Variants in UBE2E2 observed in about 807,000 individuals in gnomAD.
UBE2E2 encodes the protein ubiquitin-conjugating enzyme E2 E2.
In UBE2E2, 6 loss-of-function variants were observed where a neutral mutation model predicts 24.7. That is an observed-to-expected ratio of 0.24 (90% CI 0.13 to 0.48). The LOEUF is 0.48. Ranked by LOEUF, UBE2E2 falls within the 20% of genes least tolerant of loss-of-function variation. The pLI is 0.99. For synonymous variants in UBE2E2, 104 were observed against 83.6 expected (o/e 1.24, Z -1.33); for missense variants, 169 against 245.0 (o/e 0.69, Z 2.07).
chr3:23,570,235 C>T (rs1696190504), intron 5 of UBE2E2, among the ~76,000 whole-genome samples: 1 of 152,144 alleles, frequency 6.6e-6, no homozygotes, highest in Non-Finnish European at 1.5e-5. Context: ...CCTAATTTCA[C>T]ATGGTTGTCA....
intron 3 of UBE2E2, among the ~76,000 whole-genome samples, chr3:23,456,459 T>G (rs191962571): frequency 3.3e-5 from 5 of 152,318 alleles, no homozygotes; most frequent in African/African-American, 9.6e-5. Flanking sequence ...CAAAATGTAT[T>G]TCTTCAATAA....
In UBE2E2 at chr3:23,539,390, A is replaced by G. The variant is rs376351263; in HGVS notation, c.508+6689A>G. Among the ~76,000 whole-genome samples, 14 of 152,360 alleles carry G rather than the reference A, an allele frequency of 9.2e-5. No homozygotes were observed. The East Asian group carries it at 2.3e-3, about 25-fold the overall frequency. On this transcript the variant is annotated intron_variant, in intron 5 of 5. Coordinates refer to ENST00000396703, the MANE Select transcript of UBE2E2 (RefSeq NM_152653.4). ...GATTCTTTTAAAGATGGTTAAAACT[A>G]GACTTTACCATATTTGCTAACATAT...
intron 4 of UBE2E2, among the ~76,000 whole-genome samples, chr3:23,529,909 C>T (rs1195111831): frequency 6.6e-6 from 1 of 152,142 alleles, no homozygotes; most frequent in African/African-American, 2.4e-5. Flanking sequence ...GTCTTCCTTC[C>T]TAATGTATGT....
intron 3 of UBE2E2, among the ~76,000 whole-genome samples, chr3:23,411,687 C>T (rs2125381793): frequency 6.6e-6 from 1 of 152,238 alleles, no homozygotes; most frequent in East Asian, 1.9e-4. Context: ...TAGTTGTCTA[C>T]TGGATAGCAA....
intron 3 of UBE2E2, among the ~76,000 whole-genome samples, chr3:23,242,023 C>T (rs1391791620): frequency 1.3e-5 from 2 of 152,176 alleles, no homozygotes; most frequent in Non-Finnish European, 2.9e-5. Context: ...TATCCTGCTG[C>T]CTCAGCCTCT....
At chr3:23,443,051 A>C (rs564114789) in intron 3 of UBE2E2, among the ~76,000 whole-genome samples, 4 of 152,078 alleles carry the variant, frequency 2.6e-5, no homozygotes, top group African/African-American at 7.2e-5. Flanking sequence ...TTTTCTACTC[A>C]CCTCTCTGGC....
intron 3 of UBE2E2, among the ~76,000 whole-genome samples, chr3:23,446,733 A>G (rs532319675): frequency 2.3e-5 from 3 of 128,808 alleles, no homozygotes; most frequent in East Asian, 2.5e-4. Context: ...CCGTAGGGTC[A>G]TAAAAGGTAT....
chr3:23,252,591 G>A (rs989617305), intron 3 of UBE2E2, among the ~76,000 whole-genome samples: 5 of 152,124 alleles, frequency 3.3e-5, no homozygotes, highest in Admixed American at 6.5e-5. Flanking sequence ...CTGCCTCCTC[G>A]GTTCAAGCGA....
chr3:23,523,837 T>TTA (rs59629776), intron 4 of UBE2E2, among the ~76,000 whole-genome samples: 3 of 151,604 alleles, frequency 2.0e-5, no homozygotes, highest in African/African-American at 7.3e-5. Flanking sequence ...TTTTTTTTTT[T>TTA]ATGTATACTA....
chr3:23,357,160 G>C (rs985698956), intron 3 of UBE2E2, among the ~76,000 whole-genome samples: 1 of 152,190 alleles, frequency 6.6e-6, no homozygotes, highest in Non-Finnish European at 1.5e-5. Flanking sequence ...TACAACCCTT[G>C]CATGGGCCGG....
intron 3 of UBE2E2, among the ~76,000 whole-genome samples, chr3:23,446,878 G>T (rs1396605562): frequency 6.6e-6 from 1 of 152,024 alleles, no homozygotes; most frequent in Admixed American, 6.5e-5. Flanking sequence ...CTGACCAGAA[G>T]AGCGTGCTGG....
chr3:23,449,937 T>G, intron 3 of UBE2E2: 3 of 985,348 alleles, frequency 3.0e-6, no homozygotes, highest in Non-Finnish European at 2.4e-6. Context: ...TGAGGAAATG[T>G]ACCCCTGAAG....
intron 3 of UBE2E2, among the ~76,000 whole-genome samples, chr3:23,452,906 A>G (rs1698597129): frequency 6.6e-6 from 1 of 152,082 alleles, no homozygotes; most frequent in Admixed American, 6.6e-5. Context: ...ACACCCCTTT[A>G]CTCAAATAGC....
intron 3 of UBE2E2, among the ~76,000 whole-genome samples, chr3:23,432,690 C>A (rs1031020192): frequency 2.6e-5 from 4 of 151,814 alleles, no homozygotes; most frequent in African/African-American, 9.7e-5. Flanking sequence ...ATTTCATGTT[C>A]AATTAAAATT....
At chr3:23,530,090 G>A (rs1466726969) in intron 4 of UBE2E2, among the ~76,000 whole-genome samples, 2 of 152,048 alleles carry the variant, frequency 1.3e-5, no homozygotes, top group Non-Finnish European at 2.9e-5. Flanking sequence ...TATGATAGGG[G>A]GATCTTTTAT....
chr3:23,235,606 G>A (rs1372612442), intron 3 of UBE2E2, among the ~76,000 whole-genome samples: 2 of 152,268 alleles, frequency 1.3e-5, no homozygotes, highest in Non-Finnish European at 2.9e-5. Flanking sequence ...GGTGAGAGAG[G>A]ATGGTGTTAT....
chr3:23,396,187 T>C (rs1249777828), intron 3 of UBE2E2, among the ~76,000 whole-genome samples: 2 of 151,172 alleles, frequency 1.3e-5, no homozygotes, highest in Non-Finnish European at 2.9e-5. Flanking sequence ...GAACTTAATT[T>C]TGCCTATGAA....
chr3:23,513,249 T>C (rs1448001922), intron 4 of UBE2E2, among the ~76,000 whole-genome samples: 3 of 152,212 alleles, frequency 2.0e-5, no homozygotes, highest in Non-Finnish European at 4.4e-5. Flanking sequence ...ATAGGTAATA[T>C]ATATACACAG....
chr3:23,505,927 G>A (rs1246435112), intron 4 of UBE2E2, among the ~76,000 whole-genome samples: 1 of 152,202 alleles, frequency 6.6e-6, no homozygotes, highest in African/African-American at 2.4e-5. Flanking sequence ...GTTACGATAA[G>A]AAACAGTGAT....
Sources: allele counts gnomAD v4.1 joint callset (sites outside exome capture counted in the v4.1 genomes callset), GRCh38; gene constraint gnomAD v4.1.1; transcripts MANE v1.5; gene names NCBI Gene and HGNC (gene_info 2026-07-23, HGNC 2026-07-21).